Variants in CCDC178 observed in about 807,000 individuals in gnomAD.
The protein encoded by CCDC178 is coiled-coil domain containing 178.
Under a neutral mutation model 117.4 loss-of-function variants are expected in CCDC178, and 126 were observed. That is an observed-to-expected ratio of 1.07 (90% CI 0.93 to 1.24). CCDC178 has a LOEUF of 1.24. Among genes scored for constraint, CCDC178 ranks in the 50% most tolerant of loss-of-function variants. The probability of loss-of-function intolerance (pLI) is 0.00; values close to 1 mark genes in which losing one functional copy is unlikely to be tolerated. For synonymous variants in CCDC178, 283 were observed against 313.4 expected, an observed-to-expected ratio of 0.90 and a Z score of 1.02; for missense variants, 1,030 against 986.9, an observed-to-expected ratio of 1.04 and a Z score of -0.59.
intron 15 of CCDC178, among the ~76,000 whole-genome samples, chr18:33,243,138 G>C (rs1168203420): frequency 6.6e-6 from 1 of 151,796 alleles, no homozygotes; most frequent in Non-Finnish European, 1.5e-5. Flanking sequence ...GTTAAGTGAA[G>C]TCACTCAGGA....
chr18:33,384,169 G>C (rs1238770487), intron 5 of CCDC178, among the ~76,000 whole-genome samples: 1 of 151,946 alleles, frequency 6.6e-6, no homozygotes, highest in African/African-American at 2.4e-5. Context: ...AGATAAAAAA[G>C]AATGAAATAA....
chr18:33,195,293 T>C (rs2058918103), intron 20 of CCDC178, among the ~76,000 whole-genome samples: 1 of 152,118 alleles, frequency 6.6e-6, no homozygotes, highest in South Asian at 2.1e-4. Context: ...GCCTAAATCT[T>C]TGGATCTCTG....
rs1448402503 is a variant in CCDC178 at position 33,017,512 on chromosome 18, T to C, written c.2389-42831A>G. ...CTTAATATTGTTAACATGGCAATAC[T>C]TCCGAAATTCATCTACAGGTTTAAA... On this transcript the variant is annotated intron_variant, in intron 21 of 22. Transcript: ENST00000383096. Among the ~76,000 whole-genome samples, 5 of 152,114 alleles carry C rather than the reference T, an allele frequency of 3.3e-5. No homozygotes were observed. The East Asian group carries it at 9.6e-4, about 29-fold the overall frequency.
chr18:33,140,476 T>C (rs2058188439), intron 20 of CCDC178, among the ~76,000 whole-genome samples: 1 of 152,268 alleles, frequency 6.6e-6, no homozygotes, highest in East Asian at 1.9e-4. Flanking sequence ...CTTGCATCAG[T>C]GTGACCCGGA....
At chr18:33,138,096 G>A (rs1423171742) in intron 20 of CCDC178, among the ~76,000 whole-genome samples, 1 of 152,130 alleles carries the variant, frequency 6.6e-6, no homozygotes, top group Non-Finnish European at 1.5e-5. Flanking sequence ...TATGTGAAAG[G>A]TATAAAGGTA....
At chr18:33,087,566 T>TTG (rs57033642) in intron 21 of CCDC178, among the ~76,000 whole-genome samples, 12,545 of 145,968 alleles carry the variant, frequency 0.086, 1,151 homozygotes, top group African/African-American at 0.23. Flanking sequence ...CCAAAGCCAT[T>TTG]TGTGTGTGTG....
At chr18:33,219,419 T>A (rs1255142348) in intron 18 of CCDC178, among the ~76,000 whole-genome samples, 1 of 152,144 alleles carries the variant, frequency 6.6e-6, no homozygotes, top group African/African-American at 2.4e-5. Context: ...AGCCATCCCA[T>A]TACTGGGTAT....
chr18:33,140,132 G>A (rs933027205), intron 20 of CCDC178, among the ~76,000 whole-genome samples: 3 of 152,194 alleles, frequency 2.0e-5, no homozygotes, highest in African/African-American at 7.2e-5. Context: ...CCTCTGCCTA[G>A]ATTTCAGAGG....
At chr18:33,273,189 T>C (rs138246966) in intron 12 of CCDC178, among the ~76,000 whole-genome samples, 149 of 151,720 alleles carry the variant, frequency 9.8e-4, no homozygotes, top group African/African-American at 3.2e-3. Context: ...ATGAACAATT[T>C]TGCAACTTGC....
chr18:33,133,269 T>C (rs918702157), intron 20 of CCDC178, among the ~76,000 whole-genome samples: 1 of 151,850 alleles, frequency 6.6e-6, no homozygotes, highest in African/African-American at 2.4e-5. Context: ...TATGTTATTA[T>C]AGAGTTAAAT....
At chr18:32,997,958 C>A (rs989054697) in intron 21 of CCDC178, among the ~76,000 whole-genome samples, 5 of 152,204 alleles carry the variant, frequency 3.3e-5, no homozygotes, top group African/African-American at 9.7e-5. Context: ...GTCCTCCCGA[C>A]AGGAGCATCA....
intron 15 of CCDC178, among the ~76,000 whole-genome samples, chr18:33,241,232 T>A (rs1026461213): frequency 7.2e-5 from 11 of 151,870 alleles, no homozygotes; most frequent in African/African-American, 2.7e-4. Flanking sequence ...AACCCACAAC[T>A]AAGATCATAC....
chr18:33,417,704 G>A (rs958500237), intron 2 of CCDC178, among the ~76,000 whole-genome samples: 18 of 152,020 alleles, frequency 1.2e-4, no homozygotes, highest in African/African-American at 4.3e-4. Flanking sequence ...ATAGTTGAAG[G>A]GAGCACAGGA....
rs75587794 is a variant in CCDC178 at position 33,419,955 on chromosome 18, A to C, written c.-22-7845T>G. 4.6e-3 allele frequency among the ~76,000 whole-genome samples: 705 copies of C among 152,110 alleles called. 4 individuals are homozygous for C. The highest frequency in any genetic ancestry group is 0.028 in the East Asian group (142 of 5,162). On this transcript the variant is annotated intron_variant, in intron 2 of 22. Coordinates refer to ENST00000383096, the MANE Select transcript of CCDC178 (RefSeq NM_001105528.4). Reference sequence around the variant, plus strand: ...AATCTCATGATTGCATATATACCCCAAAAAAATAAAGTATTCTACCATAAA... The same window carrying C: ...AATCTCATGATTGCATATATACCCCCAAAAAATAAAGTATTCTACCATAAA...
At position 33,215,603 on chromosome 18, in the gene CCDC178, T is replaced by C; in HGVS notation, c.2025A>G (p.Leu675=). ...YAKINELNEE[L]KAKEEEKKSF... ...TTTTCTTTTCTTCTTCTTTTGCTTT[T>C]AATTCCTCATTCAATTCATTTATTT... is the stretch of plus-strand genomic sequence containing the variant. The change falls in exon 19 of 23, where the codon TTA becomes TTG. Residue 675 remains leucine (L), a synonymous_variant. Transcript: ENST00000383096. The C allele has an allele frequency of 6.6e-7, 1 of 1,513,032 alleles. No homozygotes were observed. Among genetic ancestry groups the C allele is most frequent in the Non-Finnish European group, 8.9e-7 (1 of 1,129,622 alleles). 93.7% of individuals were successfully genotyped at this position (1,513,032 alleles called of 1,614,324 possible). A position where few individuals can be genotyped will look rare whatever the true frequency, so the allele number is the denominator to read the frequency against.
chr18:33,303,230 C>G (rs767753136), intron 11 of CCDC178, among the ~76,000 whole-genome samples: 33 of 152,044 alleles, frequency 2.2e-4, no homozygotes, highest in Non-Finnish European at 4.4e-4. Context: ...GTGAAAGAAG[C>G]CAATCTGAAA....
At chr18:33,075,479 G>T (rs770406436) in intron 21 of CCDC178, among the ~76,000 whole-genome samples, 68 of 152,010 alleles carry the variant, frequency 4.5e-4, no homozygotes, top group Non-Finnish European at 7.4e-4. Flanking sequence ...TCTCTACAAT[G>T]TGATTATTAT....
intron 21 of CCDC178, among the ~76,000 whole-genome samples, chr18:33,043,209 A>G (rs1196095779): frequency 6.6e-6 from 1 of 152,082 alleles, no homozygotes; most frequent in Non-Finnish European, 1.5e-5. Context: ...ATGTAAAGGA[A>G]GATCAAGTAA....
intron 5 of CCDC178, among the ~76,000 whole-genome samples, chr18:33,388,475 A>G (rs908046848): frequency 5.9e-5 from 9 of 151,548 alleles, no homozygotes; most frequent in Non-Finnish European, 1.3e-4. Flanking sequence ...ATGCCCATCA[A>G]TGATAGACTA....
Sources: allele counts gnomAD v4.1 joint callset (sites outside exome capture counted in the v4.1 genomes callset), GRCh38; gene constraint gnomAD v4.1.1; transcripts MANE v1.5; gene names NCBI Gene and HGNC (gene_info 2026-07-23, HGNC 2026-07-21).